EDRF1: variants seen among roughly 807,000 people sequenced by gnomAD.
EDRF1 encodes the protein erythroid differentiation-related factor 1.
EDRF1 carries 69 observed loss-of-function variants against 148.7 expected under a neutral mutation model. The ratio of observed to expected loss-of-function variants is 0.46; its 90% CI spans 0.38 to 0.57. EDRF1 has a LOEUF of 0.57. Ranked by LOEUF, EDRF1 falls within the 20% of genes least tolerant of loss-of-function variation. EDRF1 has a pLI of 0.00. For synonymous variants in EDRF1, 515 were observed against 532.8 expected (o/e 0.97, Z 0.46); for missense variants, 1,118 against 1,478.7 (o/e 0.76, Z 4.00).
Position 125,729,116 on chromosome 10 carries a change from A to G in EDRF1, c.894+12A>G, listed in dbSNP as rs772809635. 13 of 1,552,898 alleles carry G rather than the reference A, an allele frequency of 8.4e-6. No homozygotes were observed. The highest frequency in any genetic ancestry group is 8.1e-5 in the African/African-American group (6 of 73,904). On this transcript the variant is annotated intron_variant, in intron 7 of 24. Coordinates refer to ENST00000356792, the MANE Select transcript of EDRF1 (RefSeq NM_001202438.2). ...GGGAGCACAGTCAGGTATGCTTTCC[A>G]TGGTGTCCAAGGTGACAGCAAATCC...
At position 125,745,935 on chromosome 10, in the gene EDRF1, C is replaced by T. The variant is rs1331423786; in HGVS notation, c.2814+5C>T. ...GAAGGCTTGTATTATAATAAGGTAA[C>T]ACATTCGCGTACATGTTGGGCCTCA... On this transcript the variant is annotated splice_donor_5th_base_variant and intron_variant, in intron 19 of 24. Transcript: ENST00000356792. The T allele has an allele frequency of 4.3e-6, 7 of 1,613,508 alleles. No homozygotes were observed. The East Asian group carries it at 1.6e-4, about 36-fold the overall frequency.
chr10:125,728,153 G>A (rs1848346094), intron 6 of EDRF1, among the ~76,000 whole-genome samples: 1 of 145,924 alleles, frequency 6.9e-6, no homozygotes, highest in African/African-American at 2.5e-5. Flanking sequence ...AGTGAGCTGA[G>A]ATCATGTCAC....
rs1223543518 is a variant in EDRF1, at chr10:125,763,026, TTC to T, written c.3546-271_3546-270del. 2.0e-5 allele frequency among the ~76,000 whole-genome samples: 3 copies of T among 152,196 alleles called. No homozygotes were observed. Among genetic ancestry groups the T allele is most frequent in the Non-Finnish European group, 2.9e-5 (2 of 68,040 alleles). On this transcript the variant is annotated intron_variant, in intron 24 of 24. Transcript: ENST00000356792. The surrounding 1 kb of genome is among the most constrained non-coding windows in gnomAD (Gnocchi z 4.3). ...CAGGGGCTTCTTTTTGCCTGTTTTGTTCTCTGTCAAGAGCAATTCCTAGTACA... is the reference window on the plus strand; with the variant it reads ...CAGGGGCTTCTTTTTGCCTGTTTTGTTCTGTCAAGAGCAATTCCTAGTACA...
intron 10 of EDRF1, 41 bp downstream of exon 10, chr10:125,733,592 G>A (rs1409457713): frequency 7.5e-6 from 12 of 1,608,908 alleles, no homozygotes; most frequent in African/African-American, 1.3e-5. Context: ...TAATTGATTT[G>A]GGTAACTGCT....
chr10:125,746,078 A>G, intron 19 of EDRF1, 148 bp downstream of exon 19: 5 of 725,618 alleles, frequency 6.9e-6, no homozygotes, highest in South Asian at 1.6e-5. Flanking sequence ...AACACTTGCA[A>G]CCTGGCCTAA....
intron 24 of EDRF1, among the ~76,000 whole-genome samples, chr10:125,754,215 C>CA (rs60189890): frequency 0.028 from 2,646 of 93,172 alleles, 61 homozygotes; most frequent in African/African-American, 0.059. Flanking sequence ...GACACCATCT[C>CA]AAAAAAAAAA....
chr10:125,762,459 G>T (rs1277063559), intron 24 of EDRF1, among the ~76,000 whole-genome samples: 4 of 151,078 alleles, frequency 2.6e-5, no homozygotes, highest in Non-Finnish European at 5.9e-5. Context: ...ATCTGGTTAT[G>T]TGAGCCAGGG....
In EDRF1 at chr10:125,730,251, A is replaced by G. The variant is rs762331061; in HGVS notation, c.1017-37A>G. 47 of 1,491,094 alleles carry G rather than the reference A, an allele frequency of 3.2e-5. No homozygotes were observed. The Middle Eastern group carries it at 5.2e-4, about 16-fold the overall frequency. The allele number at this position is 1,491,094 out of a possible 1,614,324, so 92.4% of individuals were successfully genotyped here. On this transcript the variant is annotated intron_variant, in intron 8 of 24. Transcript: ENST00000356792. ...CAGATGATTAATTAAGGAACATCTTAATTAAACCAAATAACACTAGAAATG... is the reference window on the plus strand; with the variant it reads ...CAGATGATTAATTAAGGAACATCTTGATTAAACCAAATAACACTAGAAATG...
chr10:125,719,734 A>T lies in EDRF1; in HGVS notation c.-74A>T. 1.6e-6 allele frequency: 2 copies of T among 1,214,438 alleles called. No individual in the cohort carries two copies. Among genetic ancestry groups the T allele is most frequent in the South Asian group, 1.4e-5 (1 of 70,586 alleles). 75.2% of individuals were successfully genotyped at this position (1,214,438 alleles called of 1,614,324 possible). On this transcript the variant is annotated 5_prime_UTR_variant, in exon 1 of 25. Coordinates refer to ENST00000356792, the MANE Select transcript of EDRF1 (RefSeq NM_001202438.2). ...GGTCCGCGGAGCGTCTCTGGCGCTT[A>T]CCCTGCTTTGGGCCTGCGTTGCTGC...
In EDRF1 at chr10:125,721,194, T is replaced by C; in HGVS notation, c.109-10T>C. Reference sequence around the variant, plus strand: ...ATTTTCATTAAAGTTTCACCCAATGTGTTAATTAGGGATCAGCTTTATTTC... The same window carrying C: ...ATTTTCATTAAAGTTTCACCCAATGCGTTAATTAGGGATCAGCTTTATTTC... On this transcript the variant is annotated splice_polypyrimidine_tract_variant and intron_variant, in intron 1 of 24. Coordinates refer to ENST00000356792, the MANE Select transcript of EDRF1 (RefSeq NM_001202438.2). 6.2e-7 allele frequency: 1 copy of C among 1,613,708 alleles called. No homozygotes were observed. Among genetic ancestry groups the C allele is most frequent in the Non-Finnish European group, 8.5e-7 (1 of 1,179,608 alleles).
intron 14 of EDRF1, 114 bp from the exon 15 acceptor site, chr10:125,738,181 T>C: frequency 2.8e-6 from 4 of 1,444,752 alleles, no homozygotes; most frequent in South Asian, 2.3e-5. Context: ...TGAAAGTCTG[T>C]TTGTGAGATG....
chr10:125,744,355 A>G (rs182389657), intron 18 of EDRF1, among the ~76,000 whole-genome samples: 1 of 151,960 alleles, frequency 6.6e-6, no homozygotes, highest in Non-Finnish European at 1.5e-5. Flanking sequence ...AGTAATTTTT[A>G]AAAATTTTTT....
chr10:125,731,811 A>G (rs1206715067), intron 9 of EDRF1: 3 of 434,962 alleles, frequency 6.9e-6, no homozygotes, highest in African/African-American at 2.1e-5. Flanking sequence ...TGCTTATTTT[A>G]TCCAAGCACT....
chr10:125,726,043 G>A (rs1215547294), intron 6 of EDRF1, among the ~76,000 whole-genome samples: 2 of 152,164 alleles, frequency 1.3e-5, no homozygotes, highest in African/African-American at 4.8e-5. Flanking sequence ...GCTATTATAG[G>A]TGGGGAGATC....
chr10:125,738,287 T>C lies in EDRF1; in HGVS notation c.1831-8T>C. The C allele has an allele frequency of 3.1e-6, 5 of 1,614,092 alleles. No homozygotes were observed. Among genetic ancestry groups the C allele is most frequent in the Non-Finnish European group, 3.4e-6 (4 of 1,179,974 alleles). ...GATAGATAGTGAATGCTTTTCCTTT[T>C]TTTGCAGGGTTTAAAATCTGTCGAT... On this transcript the variant is annotated splice_polypyrimidine_tract_variant and splice_region_variant and intron_variant, in intron 14 of 24. Coordinates refer to ENST00000356792, the MANE Select transcript of EDRF1 (RefSeq NM_001202438.2).
chr10:125,733,455 T>G lies in EDRF1; in HGVS notation c.1180T>G (p.Phe394Val). 1 of 1,594,610 alleles carries G rather than the reference T, an allele frequency of 6.3e-7. No individual in the cohort carries two copies. The highest frequency in any genetic ancestry group is 8.6e-7 in the Non-Finnish European group (1 of 1,164,058). Residue 394 changes from phenylalanine to valine, a missense_variant, in exon 10 of 25, where the codon TTT becomes GTT. This residue lies in a region of EDRF1 where 954 missense variants were observed against 1,241.4 expected (regional missense o/e 0.77). Coordinates refer to ENST00000356792, the MANE Select transcript of EDRF1 (RefSeq NM_001202438.2). ...AATTCCCAATTTGGAAAATTCTAAT[T>G]TTTCTACTAAAGTCATAAAAGACAT... ...EEIPNLENSN[F>V]STKVIKDIAQ... is the part of the protein sequence containing the mutation.
At position 125,741,173 on chromosome 10, in the gene EDRF1, T is replaced by A; in HGVS notation, c.2343T>A (p.His781Gln). ...CAAAAGAAGACCAGGAGATCCTGCATAGCCTTCACAGAGAGTCCAGTTGCC... is the reference window on the plus strand; with the variant it reads ...CAAAAGAAGACCAGGAGATCCTGCAAAGCCTTCACAGAGAGTCCAGTTGCC... ...YQTKEDQEIL[H>Q]SLHRESSCQG... The change falls in exon 17 of 25, where the codon CAT (histidine) becomes CAA (glutamine). Residue 781 changes from histidine (H) to glutamine (Q), a missense_variant. By Grantham distance (24) the His-to-Gln change is conservative. This residue lies in a region of EDRF1 where 954 missense variants were observed against 1,241.4 expected (regional missense o/e 0.77). Transcript: ENST00000356792. 6.2e-7 allele frequency: 1 copy of A among 1,614,208 alleles called. No homozygotes were observed. The highest frequency in any genetic ancestry group is 8.5e-7 in the Non-Finnish European group (1 of 1,180,034).
chr10:125,756,099 T>G (rs770069792), intron 24 of EDRF1, among the ~76,000 whole-genome samples: 2 of 152,240 alleles, frequency 1.3e-5, no homozygotes, highest in Non-Finnish European at 2.9e-5. Context: ...AATTTTCTTC[T>G]AAAGCACTGC....
At chr10:125,748,885 C>T (rs113905333) in intron 21 of EDRF1, 1,973 of 195,740 alleles carry the variant, frequency 0.01, 43 homozygotes, top group African/African-American at 0.044. Context: ...GTCTTGGCAC[C>T]CTTAAGCTTG....
Sources: gnomAD v4.1 joint callset for allele counts (sites outside exome capture counted in the v4.1 genomes callset) on GRCh38, gnomAD v4.1.1 for gene constraint, gnomAD v4.1.1 regional missense constraint, Gnocchi (gnomAD v3.1) non-coding constraint, MANE v1.5 for transcripts, NCBI Gene and HGNC (gene_info 2026-07-23, HGNC 2026-07-21) for gene names.